HNF4A: variants seen among roughly 807,000 people sequenced by gnomAD.
HNF4A encodes the protein hepatocyte nuclear factor 4-alpha.
HNF4A carries 15 observed loss-of-function variants against 52.4 expected under a neutral mutation model. The ratio of observed to expected loss-of-function variants is 0.29; its 90% CI spans 0.19 to 0.44. HNF4A has a LOEUF of 0.44. Ranked by LOEUF, HNF4A falls within the 20% of genes least tolerant of loss-of-function variation. The pLI, the probability that HNF4A is intolerant of heterozygous loss-of-function variation, is 1.00. For missense variants in HNF4A, 479 were observed against 647.2 expected, an observed-to-expected ratio of 0.74 and a Z score of 2.82; for synonymous variants, 280 against 264.4, an observed-to-expected ratio of 1.06 and a Z score of -0.57.
chr20:44,355,953 CTCCT>C, intron 1 of HNF4A, 100 bp downstream of exon 1: 16 of 1,003,032 alleles, frequency 1.6e-5, no homozygotes, highest in South Asian at 3.2e-5. Context: ...CCCAAAGCTC[CTCCT>C]GGAGCTCCTC....
rs1261969489 is a variant in HNF4A, at chr20:44,355,870, G to A, written c.49+17G>A. On this transcript the variant is annotated intron_variant, in intron 1 of 9. Transcript: ENST00000316673. ...GTTCTTACGGTAAGTGGGGCTGGGG[G>A]AAGACTGGACAGGGCGGGACTGCGG... is the stretch of plus-strand genomic sequence containing the variant. The A allele has an allele frequency of 1.9e-6, 3 of 1,608,332 alleles. No individual in the cohort carries two copies. Among genetic ancestry groups the A allele is most frequent in the Non-Finnish European group, 2.6e-6 (3 of 1,175,538 alleles).
At chr20:44,362,816 G>C (rs2062931437) in intron 1 of HNF4A, among the ~76,000 whole-genome samples, 1 of 151,044 alleles carries the variant, frequency 6.6e-6, no homozygotes, top group Admixed American at 6.6e-5. Context: ...TACTAGCTGT[G>C]TGACCTTGAG....
At chr20:44,398,537 T>G (rs2063373934), upstream of HNF4A, among the ~76,000 whole-genome samples, 1 of 152,230 alleles carries the variant, frequency 6.6e-6, no homozygotes, top group Non-Finnish European at 1.5e-5. Flanking sequence ...CTGTTTGGCG[T>G]TGGCTAAGGG....
At chr20:44,418,606 G>C (rs2063699496) in intron 6 of HNF4A, 94 bp downstream of exon 6, 2 of 954,818 alleles carry the variant, frequency 2.1e-6, no homozygotes, top group Non-Finnish European at 3.3e-6. Context: ...TGGCATGCAA[G>C]GGTGAGGGAG....
Position 44,429,718 on chromosome 20 carries a change from G to T in HNF4A, c.*53G>T, listed in dbSNP as rs1340709229. The T allele has an allele frequency of 1.3e-6, 2 of 1,577,012 alleles. No individual in the cohort carries two copies. The highest frequency in any genetic ancestry group is 2.2e-5 in the East Asian group (1 of 44,622). On this transcript the variant is annotated 3_prime_UTR_variant, in exon 10 of 10. Transcript: ENST00000316099. ...TGGCTCCCCCCAGCCCCCTAAGAGA[G>T]CACCTGGTGATCACGTGGTCACGGC...
chr20:44,389,006 T>A (rs2063269233), intron 1 of HNF4A, among the ~76,000 whole-genome samples: 1 of 152,248 alleles, frequency 6.6e-6, no homozygotes, highest in South Asian at 2.1e-4. Context: ...CTGTGGAGTC[T>A]ATCAAGTGAG....
chr20:44,414,575 G>A lies in HNF4A; in HGVS notation c.561G>A (p.Val187=). The change falls in exon 5 of 10, where the codon GTG becomes GTA. Residue 187 remains valine, a synonymous_variant. Coordinates refer to ENST00000316099, the MANE Select transcript of HNF4A (RefSeq NM_000457.6). ...AGAAGATTGCCAGCATCGCAGATGT[G>A]TGTGAGTCCATGAAGGAGCAGCTGC... 6.2e-7 allele frequency: 1 copy of A among 1,614,228 alleles called. No individual in the cohort carries two copies. The highest frequency in any genetic ancestry group is 8.5e-7 in the Non-Finnish European group (1 of 1,180,036).
chr20:44,406,220 T>G lies in HNF4A; in HGVS notation c.278T>G (p.Met93Arg), dbSNP rs1347307126. 2.5e-6 allele frequency: 4 copies of G among 1,613,510 alleles called. No individual in the cohort carries two copies. Among genetic ancestry groups the G allele is most frequent in the South Asian group, 1.1e-5 (1 of 91,072 alleles). Reference sequence around the variant, plus strand: ...CGGAGGAGCGTGCGGAAGAACCACATGTACTCCTGCAGGTGAGGAGCCTCA... The same window carrying G: ...CGGAGGAGCGTGCGGAAGAACCACAGGTACTCCTGCAGGTGAGGAGCCTCA... Residue 93 changes from methionine to arginine, a missense_variant, in exon 2 of 10, where the codon ATG (methionine) becomes AGG (arginine). Transcript: ENST00000316099.
At chr20:44,405,055 C>CTGTGGAT (rs2063478655) in intron 1 of HNF4A, among the ~76,000 whole-genome samples, 17 of 92,358 alleles carry the variant, frequency 1.8e-4, no homozygotes, top group African/African-American at 3.3e-4. Flanking sequence ...TGTGTGTGGA[C>CTGTGGAT]TGTGTGGTGC....
At chr20:44,406,753 T>A (rs1398370982) in intron 2 of HNF4A, among the ~76,000 whole-genome samples, 1 of 152,226 alleles carries the variant, frequency 6.6e-6, no homozygotes, top group South Asian at 2.1e-4. Flanking sequence ...TGCGAGCACT[T>A]GTCATGTACA....
chr20:44,367,068 G>T (rs2062977032), intron 1 of HNF4A, among the ~76,000 whole-genome samples: 1 of 152,164 alleles, frequency 6.6e-6, no homozygotes, highest in African/African-American at 2.4e-5. Flanking sequence ...GGGTGCGGTG[G>T]CTCACGCCTG....
At chr20:44,423,102 A>T (rs1487617895) in intron 7 of HNF4A, among the ~76,000 whole-genome samples, 3 of 152,062 alleles carry the variant, frequency 2.0e-5, no homozygotes, top group African/African-American at 7.2e-5. Flanking sequence ...AGATTACTTG[A>T]GGTCAGAAGT....
At chr20:44,361,069 A>G (rs1429964353) in intron 1 of HNF4A, among the ~76,000 whole-genome samples, 2 of 152,048 alleles carry the variant, frequency 1.3e-5, no homozygotes, top group Non-Finnish European at 2.9e-5. Flanking sequence ...CCCACCCTTC[A>G]TTCTTAAAAT....
exon 1 of HNF4A, chr20:44,355,813 C>G (rs1341054829): frequency 6.2e-7 from 1 of 1,613,728 alleles, no homozygotes; most frequent in South Asian, 1.1e-5. Flanking sequence ...CCATGGTCAG[C>G]GTGAACGCGC....
At chr20:44,402,745 C>A in intron 1 of HNF4A, 1 of 541,576 alleles carries the variant, frequency 1.8e-6, no homozygotes, top group Non-Finnish European at 3.1e-6. Flanking sequence ...TGGCTGAGGT[C>A]AGCCTGCCAC....
chr20:44,392,430 G>A (rs576047017), intron 1 of HNF4A, among the ~76,000 whole-genome samples: 8 of 152,022 alleles, frequency 5.3e-5, no homozygotes, highest in South Asian at 2.1e-4. Context: ...AAATATAGAC[G>A]CCTGGCACCT....
chr20:44,422,306 GGATCACT>G (rs1426593629), intron 7 of HNF4A, among the ~76,000 whole-genome samples: 3 of 152,210 alleles, frequency 2.0e-5, no homozygotes, highest in Admixed American at 6.5e-5. Context: ...AAAATGGGAA[GGATCACT>G]GATGCTGAGT....
intron 3 of HNF4A, among the ~76,000 whole-genome samples, chr20:44,412,608 C>T (rs1298495275): frequency 1.3e-5 from 2 of 152,054 alleles, no homozygotes; most frequent in African/African-American, 2.4e-5. Context: ...ATGACTTGAA[C>T]GGATCCCTCT....
At chr20:44,373,849 C>T (rs1449696751) in intron 1 of HNF4A, among the ~76,000 whole-genome samples, 2 of 152,078 alleles carry the variant, frequency 1.3e-5, no homozygotes, top group African/African-American at 4.8e-5. Context: ...ACCACCATGC[C>T]TGGCTTCTTT....
Sources: allele counts gnomAD v4.1 joint callset (sites outside exome capture counted in the v4.1 genomes callset), GRCh38; gene constraint gnomAD v4.1.1; transcripts MANE v1.5; gene names NCBI Gene and HGNC (gene_info 2026-07-23, HGNC 2026-07-21).